Variants in IL1RAPL1 observed in about 807,000 individuals in gnomAD.
IL1RAPL1 encodes interleukin-1 receptor accessory protein-like 1.
In IL1RAPL1, 3 loss-of-function variants were observed where a neutral mutation model predicts 48.4. That is an observed-to-expected ratio of 0.06 (90% CI 0.03 to 0.16). The LOEUF is 0.16. Ranked by LOEUF, IL1RAPL1 falls within the 10% of genes least tolerant of loss-of-function variation. The pLI is 1.00. For synonymous variants in IL1RAPL1, 185 were observed against 187.7 expected (o/e 0.99, Z 0.12); for missense variants, 349 against 530.6 (o/e 0.66, Z 3.36).
intron 2 of IL1RAPL1, among the ~76,000 whole-genome samples, chrX:28,983,748 TA>T (rs1925399073): frequency 8.9e-6 from 1 of 111,972 alleles, no homozygotes; most frequent in Non-Finnish European, 1.9e-5. Flanking sequence ...TGACTATACT[TA>T]AAAAAATTCT....
At chrX:28,695,770 CTCT>C (rs1216305425) in intron 1 of IL1RAPL1, among the ~76,000 whole-genome samples, 1 of 112,087 alleles carries the variant, frequency 8.9e-6, no homozygotes, top group Non-Finnish European at 1.9e-5. Flanking sequence ...AAAAAGGAGT[CTCT>C]TCTTCTATAG....
At chrX:29,262,886 CT>C (rs1379075793) in intron 2 of IL1RAPL1, among the ~76,000 whole-genome samples, 18 of 107,468 alleles carry the variant, frequency 1.7e-4, no homozygotes, top group African/African-American at 3.7e-4. Context: ...CCTAGATTAA[CT>C]TTTTTTTTTC....
chrX:28,967,434 T>C (rs947779766), intron 2 of IL1RAPL1, among the ~76,000 whole-genome samples: 2 of 111,127 alleles, frequency 1.8e-5, no homozygotes, highest in African/African-American at 6.5e-5. Context: ...ATCAGAACTC[T>C]TTAATTTAGT....
chrX:28,745,781 A>G (rs767474945), intron 1 of IL1RAPL1, among the ~76,000 whole-genome samples: 59 of 111,794 alleles, frequency 5.3e-4, no homozygotes, highest in Non-Finnish European at 8.7e-4. Context: ...TAGGAAGAGA[A>G]TTCTTGATGT....
intron 5 of IL1RAPL1, among the ~76,000 whole-genome samples, chrX:29,415,749 T>C (rs1045768840): frequency 8.9e-6 from 1 of 112,645 alleles, no homozygotes; most frequent in Non-Finnish European, 1.9e-5. Flanking sequence ...ACAGCTCTTA[T>C]AGTTTTAATT....
intron 6 of IL1RAPL1, among the ~76,000 whole-genome samples, chrX:29,678,374 GAGA>G (rs1166284230): frequency 1.4e-4 from 1 of 7,371 alleles, no homozygotes; most frequent in Non-Finnish European, 3.7e-4. Flanking sequence ...TTTTTTTTTT[GAGA>G]AGGAGTCTCG....
At chrX:29,595,584 ATTGT>A (rs1468431116) in intron 5 of IL1RAPL1, among the ~76,000 whole-genome samples, 1 of 110,180 alleles carries the variant, frequency 9.1e-6, no homozygotes, top group Non-Finnish European at 1.9e-5. Context: ...TTTTGATGGG[ATTGT>A]TTGTTTTTTC....
At chrX:28,729,272 C>T in intron 1 of IL1RAPL1, among the ~76,000 whole-genome samples, 1 of 111,064 alleles carries the variant, frequency 9.0e-6, no homozygotes, top group Non-Finnish European at 1.9e-5. Context: ...AAGGGAGTGC[C>T]AGTTAAGTAC....
At chrX:28,912,118 G>T (rs1372532741) in intron 2 of IL1RAPL1, among the ~76,000 whole-genome samples, 1 of 107,373 alleles carries the variant, frequency 9.3e-6, no homozygotes, top group East Asian at 2.9e-4. Flanking sequence ...GAGTATCCTA[G>T]ATAATTTTAA....
At chrX:28,719,129 T>C (rs1337916718) in intron 1 of IL1RAPL1, among the ~76,000 whole-genome samples, 1 of 111,236 alleles carries the variant, frequency 9.0e-6, no homozygotes, top group East Asian at 2.8e-4. Context: ...ATTTAGGAAA[T>C]GGTCATATAA....
rs917656232 is a variant in IL1RAPL1 at position 28,871,837 on chromosome X, G to C, written c.82+82412G>C. ...TTAAAAGCATGGACTTTGGTGTCAG[G>C]CTTATTTGAATTTAAGTTCTGATTC... On this transcript the variant is annotated intron_variant, in intron 2 of 10. Transcript: ENST00000378993. Among the ~76,000 whole-genome samples, 10 of 112,077 alleles carry C rather than the reference G, an allele frequency of 8.9e-5. No homozygotes were observed. The Admixed American group carries it at 9.4e-4, about 11-fold the overall frequency.
chrX:29,837,272 A>ATAT (rs1555925869), intron 6 of IL1RAPL1, among the ~76,000 whole-genome samples: 5 of 72,124 alleles, frequency 6.9e-5, no homozygotes, highest in Admixed American at 5.2e-4. Flanking sequence ...AAAAAAAAAA[A>ATAT]ATATATATAT....
At chrX:28,988,301 G>A (rs1390721158) in intron 2 of IL1RAPL1, among the ~76,000 whole-genome samples, 3 of 111,817 alleles carry the variant, frequency 2.7e-5, no homozygotes, top group East Asian at 2.8e-4. Flanking sequence ...GAAGACAGCC[G>A]TAATTCATCC....
At chrX:29,750,651 A>G (rs1249836684) in intron 6 of IL1RAPL1, among the ~76,000 whole-genome samples, 1 of 111,810 alleles carries the variant, frequency 8.9e-6, no homozygotes, top group African/African-American at 3.2e-5. Flanking sequence ...TGGCATTTAT[A>G]ATTTGGTAAA....
At position 28,992,489 on chromosome X, in the gene IL1RAPL1, CAAAAAAAAAAAAGAAA is replaced by C. The variant is rs1317803037; in HGVS notation, c.82+203080_82+203095del. 8.9e-3 allele frequency among the ~76,000 whole-genome samples: 147 copies of C among 16,510 alleles called. 2 individuals carry two copies. Among genetic ancestry groups the C allele is most frequent in the African/African-American group, 0.028 (133 of 4,715 alleles). The allele number at this position is 16,510 out of a possible 115,157, so 14.3% of individuals were successfully genotyped here. On this transcript the variant is annotated intron_variant, in intron 2 of 10. Coordinates refer to ENST00000378993, the MANE Select transcript of IL1RAPL1 (RefSeq NM_014271.4). ...TGGCTGACAGAACGAGACTCTGTCT[CAAAAAAAAAAAAGAAA>C]AAAAAAAAAAAAGAAGAAAAAAAAA...
At chrX:29,724,957 G>A (rs530844129) in intron 6 of IL1RAPL1, among the ~76,000 whole-genome samples, 3 of 111,237 alleles carry the variant, frequency 2.7e-5, no homozygotes, top group African/African-American at 9.8e-5. Flanking sequence ...TGAGAGGAGT[G>A]GGAATCCTCA....
intron 1 of IL1RAPL1, among the ~76,000 whole-genome samples, chrX:28,734,443 G>T: frequency 9.0e-6 from 1 of 111,001 alleles, no homozygotes; most frequent in Middle Eastern, 4.6e-3. Flanking sequence ...TGCTAGACAT[G>T]TGCCTACCTT....
At chrX:29,605,731 A>G (rs1406685054) in intron 5 of IL1RAPL1, among the ~76,000 whole-genome samples, 1 of 112,367 alleles carries the variant, frequency 8.9e-6, no homozygotes, top group African/African-American at 3.2e-5. Flanking sequence ...TCCTTTTTAT[A>G]TAAAGACTGA....
intron 5 of IL1RAPL1, among the ~76,000 whole-genome samples, chrX:29,460,386 C>T (rs1021825318): frequency 8.9e-6 from 1 of 111,866 alleles, no homozygotes; most frequent in Non-Finnish European, 1.9e-5. Context: ...GGCATTGTGC[C>T]GACCCATCAT....
Sources: gnomAD v4.1 joint callset for allele counts (sites outside exome capture counted in the v4.1 genomes callset) on GRCh38, gnomAD v4.1.1 for gene constraint, MANE v1.5 for transcripts, NCBI Gene and HGNC (gene_info 2026-07-23, HGNC 2026-07-21) for gene names.